The following CSMD2 variants were observed in gnomAD, a reference collection of about 807,000 sequenced individuals.
CSMD2 encodes CUB and sushi domain-containing protein 2.
Under a neutral mutation model 398.5 loss-of-function variants are expected in CSMD2, and 130 were observed. The ratio of observed to expected loss-of-function variants is 0.33; its 90% CI spans 0.28 to 0.38. CSMD2 has a LOEUF of 0.38. Among genes scored for constraint, CSMD2 ranks in the 10% least tolerant of loss-of-function variants. The pLI is 1.00. For missense variants in CSMD2, 3,829 were observed against 4,764.9 expected, an observed-to-expected ratio of 0.80 and a Z score of 5.78; for synonymous variants, 1,828 against 1,908.5, an observed-to-expected ratio of 0.96 and a Z score of 1.10.
chr1:33,908,596 G>A (rs1643265341), intron 5 of CSMD2, among the ~76,000 whole-genome samples: 1 of 152,250 alleles, frequency 6.6e-6, no homozygotes, highest in South Asian at 2.1e-4. Flanking sequence ...CAAGTCACAA[G>A]CTTTAGCAGA....
intron 3 of CSMD2, among the ~76,000 whole-genome samples, chr1:34,007,742 A>G (rs1210663487): frequency 6.6e-6 from 1 of 152,246 alleles, no homozygotes; most frequent in East Asian, 1.9e-4. Context: ...CAATATAAAT[A>G]GCATAAATAT....
intron 1 of CSMD2, among the ~76,000 whole-genome samples, chr1:34,090,182 C>T (rs1558368017): frequency 1.3e-5 from 2 of 152,218 alleles, no homozygotes; most frequent in Admixed American, 6.5e-5. Context: ...CACGCATCAC[C>T]TGGGGAATCT....
At chr1:33,789,953 C>A (rs1569949862) in intron 11 of CSMD2, among the ~76,000 whole-genome samples, 1 of 152,186 alleles carries the variant, frequency 6.6e-6, no homozygotes, top group African/African-American at 2.4e-5. Flanking sequence ...AGTGGTTGAG[C>A]CTCTCTGGGC....
chr1:34,039,256 T>C (rs2148180670), intron 2 of CSMD2, among the ~76,000 whole-genome samples: 1 of 152,284 alleles, frequency 6.6e-6, no homozygotes, highest in African/African-American at 2.4e-5. Context: ...TGGGTAGCAG[T>C]GAAGGTCACT....
At chr1:33,933,660 A>T (rs1243473543) in intron 4 of CSMD2, among the ~76,000 whole-genome samples, 2 of 152,196 alleles carry the variant, frequency 1.3e-5, no homozygotes, top group African/African-American at 4.8e-5. Context: ...GGGCAGATAC[A>T]GCAGCTTTCA....
intron 1 of CSMD2, among the ~76,000 whole-genome samples, chr1:34,125,539 G>GTA (rs1405505248): frequency 6.6e-6 from 1 of 150,984 alleles, no homozygotes; most frequent in Non-Finnish European, 1.5e-5. Context: ...GTGTGTGTGT[G>GTA]TGTGTGTGTG....
At chr1:33,903,733 T>A (rs1015090846) in intron 5 of CSMD2, among the ~76,000 whole-genome samples, 15 of 152,162 alleles carry the variant, frequency 9.9e-5, no homozygotes, top group African/African-American at 3.6e-4. Context: ...CAAGAAAATA[T>A]CAGGTATTGA....
Position 33,583,701 on chromosome 1 carries a change from G to C in CSMD2, c.7181C>G (p.Ser2394Cys). The change falls in exon 47 of 71, where the codon TCC becomes TGC. Residue 2394 changes from serine to cysteine, a missense_variant. Ser to Cys is a moderately radical substitution (Grantham distance 112, BLOSUM62 -1). Transcript: ENST00000373381. Reference sequence around the variant, plus strand: ...GCTGAGGAAGTACTCCACTGTGAGGGAGATGTTATAGTCGGGCTCCACTCT... The same window carrying C: ...GCTGAGGAAGTACTCCACTGTGAGGCAGATGTTATAGTCGGGCTCCACTCT... ...LVRVEPDYNISLTVEYFLSEK... is the reference protein window; with the variant it reads ...LVRVEPDYNICLTVEYFLSEK... The C allele has an allele frequency of 1.9e-6, 3 of 1,614,224 alleles. No homozygotes were observed. The highest frequency in any genetic ancestry group is 2.5e-6 in the Non-Finnish European group (3 of 1,180,036).
At chr1:33,616,651 C>T (rs959773543) in intron 39 of CSMD2, among the ~76,000 whole-genome samples, 1 of 152,200 alleles carries the variant, frequency 6.6e-6, no homozygotes, top group Admixed American at 6.5e-5. Context: ...AGAGCCAGAA[C>T]GGTCATCATC....
At chr1:33,652,302 A>AC (rs1310531909) in intron 28 of CSMD2, 21 bp downstream of exon 28, 4 of 1,612,512 alleles carry the variant, frequency 2.5e-6, no homozygotes, top group Non-Finnish European at 3.4e-6. Context: ...TTCGTCTCCC[A>AC]CCCGGGGGAA....
At chr1:33,759,526 G>A (rs572992612) in intron 13 of CSMD2, among the ~76,000 whole-genome samples, 60 of 151,674 alleles carry the variant, frequency 4.0e-4, no homozygotes, top group Admixed American at 2.6e-3. Context: ...GGGGTTTCAC[G>A]GTGTTAGCCA....
At chr1:33,623,547 C>G in intron 35 of CSMD2, 81 bp from the exon 36 acceptor site, 1 of 965,364 alleles carries the variant, frequency 1.0e-6, no homozygotes, top group Non-Finnish European at 1.7e-6. Flanking sequence ...CTGCCCTTCC[C>G]GTAGTTAATT....
chr1:33,598,843 G>C (rs1246776569), intron 44 of CSMD2: 1 of 152,134 alleles, frequency 6.6e-6, no homozygotes, highest in Non-Finnish European at 1.5e-5. Context: ...ATCTAATTTT[G>C]TATTTTTAGT....
chr1:33,688,160 G>T (rs1645117438), intron 25 of CSMD2, among the ~76,000 whole-genome samples: 1 of 152,164 alleles, frequency 6.6e-6, no homozygotes, highest in Non-Finnish European at 1.5e-5. Flanking sequence ...AAGCTGAAAA[G>T]ATTCACTTAT....
chr1:33,685,460 C>T (rs1241052551), intron 25 of CSMD2, among the ~76,000 whole-genome samples: 1 of 152,218 alleles, frequency 6.6e-6, no homozygotes, highest in South Asian at 2.1e-4. Flanking sequence ...TGAGTAAATG[C>T]TCCAAGTTTT....
intron 5 of CSMD2, among the ~76,000 whole-genome samples, chr1:33,847,255 C>A (rs985965861): frequency 1.3e-5 from 2 of 151,948 alleles, no homozygotes; most frequent in African/African-American, 4.8e-5. Context: ...GACCACAGCA[C>A]CTCCTGCTTA....
chr1:34,019,482 C>T (rs896712819), intron 3 of CSMD2, among the ~76,000 whole-genome samples: 1 of 152,236 alleles, frequency 6.6e-6, no homozygotes. Context: ...GGCATTCCTT[C>T]TATTCCAGCA....
intron 5 of CSMD2, among the ~76,000 whole-genome samples, chr1:33,872,288 A>G (rs1452364396): frequency 6.6e-6 from 1 of 152,180 alleles, no homozygotes; most frequent in African/African-American, 2.4e-5. Context: ...TTAAAGTGAG[A>G]CAGGACCTGA....
At chr1:33,936,713 C>T (rs2125329632) in intron 3 of CSMD2, among the ~76,000 whole-genome samples, 1 of 152,296 alleles carries the variant, frequency 6.6e-6, no homozygotes, top group East Asian at 1.9e-4. Flanking sequence ...ATTCTCTGTG[C>T]CCATAAGTCA....
Sources: gnomAD v4.1 joint callset for allele counts (sites outside exome capture counted in the v4.1 genomes callset) on GRCh38, gnomAD v4.1.1 for gene constraint, MANE v1.5 for transcripts, NCBI Gene and HGNC (gene_info 2026-07-23, HGNC 2026-07-21) for gene names.